ZNF277: variants seen among roughly 807,000 people sequenced by gnomAD.
The protein encoded by ZNF277 is zinc finger protein 277, also known as nuclear receptor-interacting factor 4.
A neutral mutation model predicts 60.7 loss-of-function variants in ZNF277; 55 were observed. The observed-to-expected ratio is 0.91, with a 90% CI of 0.73 to 1.13. The LOEUF is 1.13. Ranked by LOEUF, ZNF277 falls within the 50% of genes most tolerant of loss-of-function variation. The pLI, the probability that ZNF277 is intolerant of heterozygous loss-of-function variation, is 0.00. For missense variants in ZNF277, 510 were observed against 523.0 expected (o/e 0.98, Z 0.24); for synonymous variants, 178 against 179.3 (o/e 0.99, Z 0.06).
chr7:112,311,375 A>C (rs1023016477), intron 4 of ZNF277, among the ~76,000 whole-genome samples: 2 of 152,088 alleles, frequency 1.3e-5, no homozygotes, highest in African/African-American at 4.8e-5. Flanking sequence ...CTATGGTTTT[A>C]TCTAAGTGTA....
intron 5 of ZNF277, among the ~76,000 whole-genome samples, chr7:112,325,875 C>T (rs1793081370): frequency 6.6e-6 from 1 of 152,190 alleles, no homozygotes; most frequent in Non-Finnish European, 1.5e-5. Flanking sequence ...TCCCAGCAAG[C>T]TGCTGGCTGC....
At chr7:112,265,493 T>C (rs1791531337) in intron 1 of ZNF277, among the ~76,000 whole-genome samples, 1 of 152,072 alleles carries the variant, frequency 6.6e-6, no homozygotes, top group Non-Finnish European at 1.5e-5. Context: ...CAGATCGCCA[T>C]ATCAGATATA....
chr7:112,294,686 G>A (rs577566085), intron 2 of ZNF277, among the ~76,000 whole-genome samples: 34 of 152,092 alleles, frequency 2.2e-4, no homozygotes, highest in Non-Finnish European at 2.9e-5. Flanking sequence ...ATGTCAGCTC[G>A]TGTCATGTTT....
chr7:112,309,175 C>T (rs1239764271), intron 4 of ZNF277, among the ~76,000 whole-genome samples: 2 of 151,930 alleles, frequency 1.3e-5, no homozygotes, highest in African/African-American at 2.4e-5. Context: ...TGAACCCCAT[C>T]GCTGACTATG....
At chr7:112,289,503 C>T (rs981486537) in intron 2 of ZNF277, among the ~76,000 whole-genome samples, 1 of 152,192 alleles carries the variant, frequency 6.6e-6, no homozygotes, top group Non-Finnish European at 1.5e-5. Context: ...CTCTCTGCTC[C>T]TCATTATCAT....
intron 1 of ZNF277, among the ~76,000 whole-genome samples, chr7:112,261,174 C>A (rs934374840): frequency 6.6e-6 from 1 of 152,138 alleles, no homozygotes; most frequent in Non-Finnish European, 1.5e-5. Context: ...GCGTTAGATT[C>A]TTTTAATTCT....
At chr7:112,321,724 T>C (rs1384632981) in intron 5 of ZNF277, among the ~76,000 whole-genome samples, 1 of 152,122 alleles carries the variant, frequency 6.6e-6, no homozygotes, top group Non-Finnish European at 1.5e-5. Flanking sequence ...TTTTCTTCCA[T>C]CATTTTTTTG....
rs1004199650 is a variant in ZNF277 at position 112,287,177 on chromosome 7, G to A, written c.293+103G>A. 14 of 1,177,770 alleles carry A rather than the reference G, an allele frequency of 1.2e-5. No individual in the cohort carries two copies. The African/African-American group carries it at 1.8e-4, about 15-fold the overall frequency. The allele number at this position is 1,177,770 out of a possible 1,614,324, so 73.0% of individuals were successfully genotyped here. A position where few individuals can be genotyped will look rare whatever the true frequency, so the allele number is the denominator to read the frequency against. The stretch of plus-strand genomic sequence containing the variant: ...GGAGGCCAAAGTGGGAGGATCACCC[G>A]AGGCCAGTAGTAGTTCAAGATGCCA... On this transcript the variant is annotated intron_variant, in intron 2 of 11. Coordinates refer to ENST00000361822, the MANE Select transcript of ZNF277 (RefSeq NM_021994.3).
intron 1 of ZNF277, among the ~76,000 whole-genome samples, chr7:112,219,122 A>G (rs1430990329): frequency 1.3e-5 from 2 of 152,110 alleles, no homozygotes; most frequent in African/African-American, 4.8e-5. Flanking sequence ...ACTCTCTCCA[A>G]TGCTTATCTC....
At chr7:112,245,825 T>G (rs1230508513) in intron 1 of ZNF277, among the ~76,000 whole-genome samples, 1 of 152,212 alleles carries the variant, frequency 6.6e-6, no homozygotes, top group Non-Finnish European at 1.5e-5. Context: ...AGACCTTGTT[T>G]CCAAATAAGG....
intron 8 of ZNF277, among the ~76,000 whole-genome samples, chr7:112,337,230 C>T (rs762091061): frequency 5.9e-5 from 9 of 152,156 alleles, no homozygotes; most frequent in South Asian, 2.1e-4. Context: ...CCCTGTCTAC[C>T]GCCAGATTTA....
intron 4 of ZNF277, among the ~76,000 whole-genome samples, chr7:112,312,706 G>A (rs1048205531): frequency 6.6e-6 from 1 of 152,094 alleles, no homozygotes; most frequent in Non-Finnish European, 1.5e-5. Context: ...ACTTTTCTGT[G>A]TTGGTGAAAT....
intron 1 of ZNF277, among the ~76,000 whole-genome samples, chr7:112,239,050 A>G (rs1790876615): frequency 6.6e-6 from 1 of 152,162 alleles, no homozygotes; most frequent in African/African-American, 2.4e-5. Flanking sequence ...AGCAATAGCC[A>G]GGCACTACTC....
At chr7:112,224,728 G>C (rs981441302) in intron 1 of ZNF277, among the ~76,000 whole-genome samples, 7 of 152,176 alleles carry the variant, frequency 4.6e-5, no homozygotes, top group African/African-American at 1.4e-4. Context: ...GCCTAGTCAG[G>C]AAAAGGGTTC....
chr7:112,242,753 C>T (rs1006776067), intron 1 of ZNF277, among the ~76,000 whole-genome samples: 1 of 151,900 alleles, frequency 6.6e-6, no homozygotes, highest in African/African-American at 2.4e-5. Flanking sequence ...ACAAGGCAAT[C>T]TACAGATTCA....
intron 10 of ZNF277, 34 bp downstream of exon 10, chr7:112,339,919 C>A (rs1241502005): frequency 2.5e-6 from 4 of 1,598,076 alleles, no homozygotes; most frequent in Non-Finnish European, 3.4e-6. Flanking sequence ...TTCTGTGATG[C>A]TTCATTTTTT....
At chr7:112,311,618 T>A (rs1171882885) in intron 4 of ZNF277, among the ~76,000 whole-genome samples, 2 of 151,890 alleles carry the variant, frequency 1.3e-5, no homozygotes, top group Non-Finnish European at 2.9e-5. Flanking sequence ...TTATGGAGTG[T>A]CTCCTAATTT....
chr7:112,269,873 TA>T (rs908929856), intron 1 of ZNF277, among the ~76,000 whole-genome samples: 9 of 152,108 alleles, frequency 5.9e-5, no homozygotes, highest in Non-Finnish European at 1.3e-4. Flanking sequence ...TATTCTTCCC[TA>T]AAAATACTTT....
chr7:112,260,037 C>T (rs1225070349), intron 1 of ZNF277, among the ~76,000 whole-genome samples: 1 of 152,172 alleles, frequency 6.6e-6, no homozygotes, highest in East Asian at 1.9e-4. Context: ...GAGGTCAACG[C>T]GGGTGAATTG....
Sources: gnomAD v4.1 joint callset for allele counts (sites outside exome capture counted in the v4.1 genomes callset) on GRCh38, gnomAD v4.1.1 for gene constraint, MANE v1.5 for transcripts, NCBI Gene and HGNC (gene_info 2026-07-23, HGNC 2026-07-21) for gene names.